AP1AR: variants seen among roughly 807,000 people sequenced by gnomAD.
AP1AR encodes the protein AP-1 complex-associated regulatory protein.
In AP1AR, 29 loss-of-function variants were observed where a neutral mutation model predicts 46.3. The observed-to-expected ratio is 0.63, with a 90% CI of 0.47 to 0.85. AP1AR has a LOEUF of 0.85. AP1AR is among the 40% of genes least tolerant of loss of function. The probability of loss-of-function intolerance (pLI) is 0.00; values close to 1 mark genes in which losing one functional copy is unlikely to be tolerated. For missense variants in AP1AR, 357 were observed against 356.3 expected (o/e 1.00, Z -0.02); for synonymous variants, 122 against 122.9 (o/e 0.99, Z 0.05).
chr4:112,251,506 G>A (rs755398411), intron 1 of AP1AR, among the ~76,000 whole-genome samples: 38 of 152,176 alleles, frequency 2.5e-4, no homozygotes, highest in Non-Finnish European at 5.3e-4. Flanking sequence ...GGCTCCTATT[G>A]ATAGTATTAC....
At chr4:112,257,869 C>G in intron 4 of AP1AR, 72 bp downstream of exon 4, 6 of 1,326,774 alleles carry the variant, frequency 4.5e-6, no homozygotes, top group Non-Finnish European at 6.1e-6. Context: ...AGAAGTCAGG[C>G]TTTATCATTT....
rs537821164 is a variant in AP1AR, at chr4:112,271,558, C to T, written c.*3149C>T. Reference sequence around the variant, plus strand: ...TAAACTGTCTCAATCTATTTGGACTCATTGTCTCCCTACTGGCCAAATCTA... The same window carrying T: ...TAAACTGTCTCAATCTATTTGGACTTATTGTCTCCCTACTGGCCAAATCTA... On this transcript the variant is annotated 3_prime_UTR_variant, in exon 10 of 10. Transcript: ENST00000274000. Among the ~76,000 whole-genome samples the T allele has an allele frequency of 2.0e-5, 3 of 152,198 alleles. No homozygotes were observed. Among genetic ancestry groups the T allele is most frequent in the African/African-American group, 4.8e-5 (2 of 41,446 alleles).
Position 112,268,425 on chromosome 4 carries a change from C to T in AP1AR, c.*16C>T. 1 of 1,560,384 alleles carries T rather than the reference C, an allele frequency of 6.4e-7. No individual in the cohort carries two copies. The highest frequency in any genetic ancestry group is 8.7e-7 in the Non-Finnish European group (1 of 1,152,942). On this transcript the variant is annotated 3_prime_UTR_variant, in exon 10 of 10. Coordinates refer to ENST00000274000, the MANE Select transcript of AP1AR (RefSeq NM_018569.6). Reference sequence around the variant, plus strand: ...GACTCGATAGGGTAAAATTGTGTGACCTTGTTTATCAGTTATGACCAAATG... The same window carrying T: ...GACTCGATAGGGTAAAATTGTGTGATCTTGTTTATCAGTTATGACCAAATG...
chr4:112,246,920 T>G (rs1202069093), intron 1 of AP1AR, among the ~76,000 whole-genome samples: 3 of 136,166 alleles, frequency 2.2e-5, no homozygotes, highest in Admixed American at 7.3e-5. Flanking sequence ...TTACACATCT[T>G]TTTTAAAAAT....
At chr4:112,232,368 A>C (rs1027578109) in intron 1 of AP1AR, among the ~76,000 whole-genome samples, 194 bp downstream of exon 1, 1 of 152,098 alleles carries the variant, frequency 6.6e-6, no homozygotes, top group African/African-American at 2.4e-5. Flanking sequence ...CCTCCTCGGA[A>C]AGAGGTAGAA....
In AP1AR at chr4:112,272,108, TGAA is replaced by T. The variant is rs1726977148; in HGVS notation, c.*3703_*3705del. 6.6e-6 allele frequency among the ~76,000 whole-genome samples: 1 copy of T among 151,992 alleles called. No homozygotes were observed. Among genetic ancestry groups the T allele is most frequent in the African/African-American group, 2.4e-5 (1 of 41,366 alleles). ...GGGATGGAAACTGGGGAGTTGGGGA[TGAA>T]GAATAAAGAACAGCTAATGCAGACA... is the stretch of plus-strand genomic sequence containing the variant. On this transcript the variant is annotated 3_prime_UTR_variant, in exon 10 of 10. Coordinates refer to ENST00000274000, the MANE Select transcript of AP1AR (RefSeq NM_018569.6).
Position 112,260,758 on chromosome 4 carries a change from TTC to T in AP1AR, c.186-4_186-3del, listed in dbSNP as rs776168747. On this transcript the variant is annotated splice_region_variant and splice_polypyrimidine_tract_variant and intron_variant, in intron 4 of 9. Coordinates refer to ENST00000274000, the MANE Select transcript of AP1AR (RefSeq NM_018569.6). ...TTTTCTTTTTCTCCTCCTCCTTTTTTTCTCTAGGCCTCTTACTGAGGAAGAAA... is the reference window on the plus strand; with the variant it reads ...TTTTCTTTTTCTCCTCCTCCTTTTTTTCTAGGCCTCTTACTGAGGAAGAAA... 6.4e-7 allele frequency: 1 copy of T among 1,553,316 alleles called. No individual in the cohort carries two copies. Among genetic ancestry groups the T allele is most frequent in the Admixed American group, 2.0e-5 (1 of 48,924 alleles).
intron 1 of AP1AR, among the ~76,000 whole-genome samples, chr4:112,236,265 T>C (rs561817873): frequency 3.9e-5 from 6 of 152,210 alleles, no homozygotes; most frequent in Middle Eastern, 3.4e-3. Flanking sequence ...ACTCTCTCTA[T>C]TGTAGCTCTC....
intron 1 of AP1AR, among the ~76,000 whole-genome samples, chr4:112,249,859 A>G (rs1462922208): frequency 6.6e-6 from 1 of 152,120 alleles, no homozygotes; most frequent in Non-Finnish European, 1.5e-5. Flanking sequence ...AATTAGTACA[A>G]ATTTCATGGA....
At chr4:112,241,215 A>C (rs1578403616) in intron 1 of AP1AR, among the ~76,000 whole-genome samples, 1 of 152,330 alleles carries the variant, frequency 6.6e-6, no homozygotes, top group East Asian at 1.9e-4. Flanking sequence ...GAAGCTTATT[A>C]AACAGTAAAT....
intron 1 of AP1AR, among the ~76,000 whole-genome samples, chr4:112,233,149 A>G (rs953140472): frequency 6.6e-6 from 1 of 152,190 alleles, no homozygotes; most frequent in African/African-American, 2.4e-5. Flanking sequence ...TGTTCCATTT[A>G]ACTAACATTA....
At chr4:112,235,097 T>C (rs963095214) in intron 1 of AP1AR, among the ~76,000 whole-genome samples, 2 of 152,190 alleles carry the variant, frequency 1.3e-5, no homozygotes, top group Non-Finnish European at 1.5e-5. Flanking sequence ...AGTCATTTGG[T>C]GATTAAAGCA....
chr4:112,262,279 G>T (rs1166863779), intron 5 of AP1AR, among the ~76,000 whole-genome samples: 1 of 152,074 alleles, frequency 6.6e-6, no homozygotes, highest in Non-Finnish European at 1.5e-5. Context: ...GGTACTGCAG[G>T]CTGGGTGACA....
intron 2 of AP1AR, 192 bp downstream of exon 2, chr4:112,253,448 G>A (rs1578413199): frequency 3.6e-6 from 2 of 548,972 alleles, no homozygotes; most frequent in Non-Finnish European, 6.3e-6. Context: ...GTTTGCAGAG[G>A]ATTATGGTTC....
chr4:112,239,892 A>G (rs536692109), intron 1 of AP1AR, among the ~76,000 whole-genome samples: 1 of 152,360 alleles, frequency 6.6e-6, no homozygotes, highest in African/African-American at 2.4e-5. Flanking sequence ...CTTGCCACAT[A>G]GTAGGTGCTC....
intron 4 of AP1AR, among the ~76,000 whole-genome samples, chr4:112,258,661 G>A (rs979096893): frequency 3.3e-5 from 5 of 152,194 alleles, no homozygotes; most frequent in Non-Finnish European, 7.3e-5. Context: ...AATTTCATAA[G>A]CAAAGTGAGA....
At chr4:112,237,156 G>A (rs961286732) in intron 1 of AP1AR, among the ~76,000 whole-genome samples, 1 of 152,294 alleles carries the variant, frequency 6.6e-6, no homozygotes. Flanking sequence ...TGCCCAAGCT[G>A]GAGTGCAGTG....
chr4:112,250,150 C>T (rs1725894083), intron 1 of AP1AR, among the ~76,000 whole-genome samples: 1 of 152,212 alleles, frequency 6.6e-6, no homozygotes, highest in South Asian at 2.1e-4. Flanking sequence ...CTTACATTCT[C>T]ATCCTTACCT....
intron 9 of AP1AR, among the ~76,000 whole-genome samples, chr4:112,267,658 A>G (rs1292219863): frequency 1.3e-5 from 2 of 151,938 alleles, no homozygotes; most frequent in African/African-American, 2.4e-5. Context: ...ACTGTACTCC[A>G]TAGAGTTGTT....
Sources: gnomAD v4.1 joint callset for allele counts (sites outside exome capture counted in the v4.1 genomes callset) on GRCh38, gnomAD v4.1.1 for gene constraint, MANE v1.5 for transcripts, NCBI Gene and HGNC (gene_info 2026-07-23, HGNC 2026-07-21) for gene names.